The following TRPM6 variants were observed in gnomAD, a reference collection of about 807,000 sequenced individuals.
TRPM6 encodes channel kinase 2.
In TRPM6, 111 loss-of-function variants were observed where a neutral mutation model predicts 247.6. That is an observed-to-expected ratio of 0.45 (90% CI 0.38 to 0.52). The LOEUF (loss-of-function observed/expected upper bound fraction) is 0.52, where lower values mean the gene tolerates loss of function less well. Among genes scored for constraint, TRPM6 ranks in the 20% least tolerant of loss-of-function variants. The probability of loss-of-function intolerance (pLI) is 0.00; values close to 1 mark genes in which losing one functional copy is unlikely to be tolerated. For missense variants in TRPM6, 2,126 were observed against 2,421.5 expected, an observed-to-expected ratio of 0.88 and a Z score of 2.56; for synonymous variants, 892 against 853.8, an observed-to-expected ratio of 1.04 and a Z score of -0.78.
At chr9:74,864,473 C>A (rs909003672) in intron 1 of TRPM6, among the ~76,000 whole-genome samples, 1 of 152,142 alleles carries the variant, frequency 6.6e-6, no homozygotes, top group Non-Finnish European at 1.5e-5. Context: ...AAACAGCATC[C>A]AGGCTAAAAA....
At chr9:74,771,910 A>G in intron 24 of TRPM6, 75 bp from the exon 25 acceptor site, 1 of 1,377,008 alleles carries the variant, frequency 7.3e-7, no homozygotes, top group Admixed American at 1.7e-5. Context: ...TTCCACTTGT[A>G]TTGAAAATGA....
At chr9:74,772,027 G>A (rs756297555) in intron 24 of TRPM6, among the ~76,000 whole-genome samples, 192 bp from the exon 25 acceptor site, 4 of 152,214 alleles carry the variant, frequency 2.6e-5, no homozygotes, top group African/African-American at 4.8e-5. Context: ...AGTGGTTCAC[G>A]CTTGTAATCC....
rs564443679 is a variant in TRPM6, at chr9:74,783,205, G to T, written c.2920-352C>A. 9.2e-5 allele frequency among the ~76,000 whole-genome samples: 14 copies of T among 151,974 alleles called. No homozygotes were observed. In the East Asian group the frequency reaches 2.3e-3, roughly 25 times the overall value. On this transcript the variant is annotated intron_variant, in intron 21 of 38. Transcript: ENST00000360774. ...AGGAAAATAAAAAAAAAAAAATAGG[G>T]TATTGTTGAATTAGTCCAATGGCTC...
At chr9:74,818,005 A>G (rs1216437319) in intron 9 of TRPM6, among the ~76,000 whole-genome samples, 1 of 152,126 alleles carries the variant, frequency 6.6e-6, no homozygotes, top group African/African-American at 2.4e-5. Context: ...ATAACTTCAC[A>G]CATTGTTTCC....
At chr9:74,756,701 A>AAAAAAAAAAAAG (rs1826440006) in intron 27 of TRPM6, among the ~76,000 whole-genome samples, 1 of 150,764 alleles carries the variant, frequency 6.6e-6, no homozygotes, top group African/African-American at 2.4e-5. Context: ...AAAAAAAAAA[A>AAAAAAAAAAAAG]ATAGCCAGGT....
At chr9:74,818,299 T>C (rs1226758092) in intron 9 of TRPM6, among the ~76,000 whole-genome samples, 15 of 141,548 alleles carry the variant, frequency 1.1e-4, no homozygotes, top group Non-Finnish European at 2.1e-4. Flanking sequence ...ATTTCTTTTT[T>C]TTTTTTTTTT....
At chr9:74,839,708 G>T (rs1280858953) in intron 5 of TRPM6, among the ~76,000 whole-genome samples, 2 of 151,842 alleles carry the variant, frequency 1.3e-5, no homozygotes, top group African/African-American at 4.8e-5. Context: ...AAAAATCTAT[G>T]ATTCTTCTGG....
At chr9:74,875,377 T>C (rs1831162675) in intron 1 of TRPM6, 1 of 363,456 alleles carries the variant, frequency 2.8e-6, no homozygotes, top group East Asian at 8.9e-5. Flanking sequence ...ACCCTGTCTC[T>C]ACTAAAAATA....
Position 74,801,895 on chromosome 9 carries a change from T to A in TRPM6, c.2009+3A>T. On this transcript the variant is annotated splice_donor_region_variant and intron_variant, in intron 16 of 38. Transcript: ENST00000360774. The stretch of plus-strand genomic sequence containing the variant: ...TAGTATGAAGTGAAGAGAGAACACT[T>A]ACTTTGAGTAATTCTTCAACTCTTC... The A allele has an allele frequency of 6.2e-7, 1 of 1,614,132 alleles. No individual in the cohort carries two copies. The highest frequency in any genetic ancestry group is 8.5e-7 in the Non-Finnish European group (1 of 1,180,014).
chr9:74,746,150 A>T (rs1412510071), intron 31 of TRPM6, among the ~76,000 whole-genome samples: 1 of 151,904 alleles, frequency 6.6e-6, no homozygotes, highest in Non-Finnish European at 1.5e-5. Flanking sequence ...GAGGCAGGAG[A>T]ATGGCATGAA....
At chr9:74,777,803 A>C (rs950115008) in intron 23 of TRPM6, among the ~76,000 whole-genome samples, 2 of 152,134 alleles carry the variant, frequency 1.3e-5, no homozygotes, top group East Asian at 3.9e-4. Flanking sequence ...TATCTCCAAA[A>C]AGCAGCACAA....
At chr9:74,764,553 C>G (rs1168342318) in intron 25 of TRPM6, among the ~76,000 whole-genome samples, 1 of 152,182 alleles carries the variant, frequency 6.6e-6, no homozygotes, top group Admixed American at 6.5e-5. Context: ...GCCCTGCCAA[C>G]ACCTTGATTT....
intron 1 of TRPM6, among the ~76,000 whole-genome samples, chr9:74,884,496 A>T (rs7470305): frequency 8.8e-6 from 1 of 113,680 alleles, no homozygotes. Context: ...CTCAAAAATA[A>T]ATACATATAT....
intron 28 of TRPM6, among the ~76,000 whole-genome samples, chr9:74,755,147 T>C (rs1826390653): frequency 6.6e-6 from 1 of 152,220 alleles, no homozygotes; most frequent in South Asian, 2.1e-4. Context: ...ATTTTTCTTT[T>C]CTGGAGTCCT....
At chr9:74,726,442 G>A (rs187843036) in intron 38 of TRPM6, among the ~76,000 whole-genome samples, 121 of 152,250 alleles carry the variant, frequency 7.9e-4, no homozygotes, top group South Asian at 6.8e-3. Context: ...CCCGGGAGAC[G>A]GAGGTTGCAG....
At chr9:74,800,910 T>G (rs1254705858) in intron 16 of TRPM6, among the ~76,000 whole-genome samples, 2 of 151,328 alleles carry the variant, frequency 1.3e-5, no homozygotes, top group Non-Finnish European at 2.9e-5. Flanking sequence ...GTGTGTTTTT[T>G]TTTTTTTTTT....
intron 27 of TRPM6, among the ~76,000 whole-genome samples, chr9:74,761,473 G>A (rs1054213399): frequency 7.2e-5 from 11 of 152,174 alleles, no homozygotes; most frequent in African/African-American, 2.7e-4. Context: ...TACTTGGGAG[G>A]CTGAGGTGGT....
chr9:74,729,064 C>T (rs1825432240), intron 37 of TRPM6, among the ~76,000 whole-genome samples: 1 of 152,182 alleles, frequency 6.6e-6, no homozygotes, highest in Admixed American at 6.5e-5. Flanking sequence ...GATCAGTGTT[C>T]ATCCGTTATC....
At chr9:74,760,695 G>A (rs1826595359) in intron 27 of TRPM6, among the ~76,000 whole-genome samples, 1 of 152,138 alleles carries the variant, frequency 6.6e-6, no homozygotes, top group Non-Finnish European at 1.5e-5. Flanking sequence ...TACTGAATTG[G>A]CGAGTGCTAT....
Sources: allele counts gnomAD v4.1 joint callset (sites outside exome capture counted in the v4.1 genomes callset), GRCh38; gene constraint gnomAD v4.1.1; transcripts MANE v1.5; gene names NCBI Gene and HGNC (gene_info 2026-07-23, HGNC 2026-07-21).